KCNC2: variants seen among roughly 807,000 people sequenced by gnomAD.
The protein encoded by KCNC2 is voltage-gated potassium channel KCNC2.
In KCNC2, 21 loss-of-function variants were observed where a neutral mutation model predicts 44.5. The ratio of observed to expected loss-of-function variants is 0.47; its 90% CI spans 0.33 to 0.68. The LOEUF is 0.68. Ranked by LOEUF, KCNC2 falls within the 30% of genes least tolerant of loss-of-function variation. The probability of loss-of-function intolerance (pLI) is 0.01; values close to 1 mark genes in which losing one functional copy is unlikely to be tolerated. For missense variants in KCNC2, 589 were observed against 826.2 expected (o/e 0.71, Z 3.52); for synonymous variants, 391 against 339.1 (o/e 1.15, Z -1.68).
At position 75,050,878 on chromosome 12, in the gene KCNC2, C is replaced by T; in HGVS notation, c.1127G>A (p.Arg376Gln). Residue 376 changes from arginine to glutamine, a missense_variant, in exon 3 of 5, where the codon CGA becomes CAA. By Grantham distance (43) the Arg-to-Gln change is conservative. Around this residue, in one of 7 missense-constraint regions of KCNC2, gnomAD observed 67 missense variants for 237.4 expected, o/e 0.28. Transcript: ENST00000549446. The part of the protein sequence containing the change: ...VGLRVLGHTL[R>Q]ASTNEFLLLI... ...CAGCAAAAATTCATTAGTACTAGCTCGAAGAGTATGTCCAAGCACCCTCAG... is the reference window on the plus strand; with the variant it reads ...CAGCAAAAATTCATTAGTACTAGCTTGAAGAGTATGTCCAAGCACCCTCAG... 1 of 1,613,466 alleles carries T rather than the reference C, an allele frequency of 6.2e-7. No homozygotes were observed. The highest frequency in any genetic ancestry group is 8.5e-7 in the Non-Finnish European group (1 of 1,179,810).
At chr12:75,185,588 G>C (rs1892884675) in intron 2 of KCNC2, among the ~76,000 whole-genome samples, 1 of 151,392 alleles carries the variant, frequency 6.6e-6, no homozygotes, top group Non-Finnish European at 1.5e-5. Context: ...CATGATCTTG[G>C]ACTTCTCAGC....
chr12:75,045,086 G>A (rs1880331334), intron 4 of KCNC2, among the ~76,000 whole-genome samples: 1 of 151,976 alleles, frequency 6.6e-6, no homozygotes, highest in Non-Finnish European at 1.5e-5. Flanking sequence ...CATCGAAGTT[G>A]ACTGTATAAC....
At position 75,183,657 on chromosome 12, in the gene KCNC2, A is replaced by T. The variant is rs369709031; in HGVS notation, c.687+23640T>A. 7.9e-5 allele frequency among the ~76,000 whole-genome samples: 12 copies of T among 152,334 alleles called. 1 individual carries two copies. Among genetic ancestry groups the T allele is most frequent in the African/African-American group, 2.9e-4 (12 of 41,584 alleles). On this transcript the variant is annotated intron_variant, in intron 2 of 4. Transcript: ENST00000549446. ...ATCATTATGACTCGTTTCAAGTCCA[A>T]CTGAATGATACCTCTGTCTTCTTGC...
At chr12:75,043,848 A>T (rs562232662) in intron 4 of KCNC2, 10 of 1,156,450 alleles carry the variant, frequency 8.6e-6, no homozygotes, top group Admixed American at 2.6e-5. Context: ...AAAAAAGAAA[A>T]TGAATGAAAT....
intron 2 of KCNC2, among the ~76,000 whole-genome samples, chr12:75,185,656 T>C (rs1280052533): frequency 6.6e-6 from 1 of 152,076 alleles, no homozygotes; most frequent in African/African-American, 2.4e-5. Context: ...GTCTGTGATA[T>C]TCTGCTATAG....
Position 75,157,671 on chromosome 12 carries a change from T to G in KCNC2, c.687+49626A>C, listed in dbSNP as rs542169740. Among the ~76,000 whole-genome samples, 5 of 151,942 alleles carry G rather than the reference T, an allele frequency of 3.3e-5. No homozygotes were observed. The East Asian group carries it at 9.7e-4, about 30-fold the overall frequency. On this transcript the variant is annotated intron_variant, in intron 2 of 4. Transcript: ENST00000549446. ...AGCAAGGCCATCAAAAGTCCCCATG[T>G]GATGGAAAAAGCTTTAAAAATAAGA...
intron 2 of KCNC2, among the ~76,000 whole-genome samples, chr12:75,205,083 A>G (rs2031580452): frequency 6.6e-6 from 1 of 152,174 alleles, no homozygotes; most frequent in Non-Finnish European, 1.5e-5. Context: ...TGAATGTCTT[A>G]TGCCGCATTA....
At chr12:75,175,484 G>T (rs554685100) in intron 2 of KCNC2, among the ~76,000 whole-genome samples, 58 of 151,964 alleles carry the variant, frequency 3.8e-4, no homozygotes, top group Non-Finnish European at 5.4e-4. Context: ...CCCAGGACAT[G>T]ACAGAATTGT....
rs186668823 is a variant in KCNC2, at chr12:75,090,351, T to C, written c.688-39034A>G. 4.0e-3 allele frequency among the ~76,000 whole-genome samples: 613 copies of C among 151,756 alleles called. 4 individuals are homozygous for C. Among genetic ancestry groups the C allele is most frequent in the African/African-American group, 0.013 (557 of 41,504 alleles). ...TTCTCTTCATGCTTTTAATAGGCCA[T>C]TATGCCCTTTTTTACACCAGATATT... On this transcript the variant is annotated intron_variant, in intron 2 of 4. Coordinates refer to ENST00000549446, the MANE Select transcript of KCNC2 (RefSeq NM_139137.4).
chr12:75,200,656 C>G (rs2031168919), intron 2 of KCNC2, among the ~76,000 whole-genome samples: 1 of 151,372 alleles, frequency 6.6e-6, no homozygotes. Flanking sequence ...TTTCTAAAAA[C>G]AGAAATATGG....
At chr12:75,139,025 A>T (rs574593180) in intron 2 of KCNC2, among the ~76,000 whole-genome samples, 1 of 150,864 alleles carries the variant, frequency 6.6e-6, no homozygotes, top group Admixed American at 6.6e-5. Context: ...GAAAAAAAGG[A>T]AAAAGAAAAT....
intron 2 of KCNC2, among the ~76,000 whole-genome samples, chr12:75,160,290 A>C (rs1276302624): frequency 6.6e-6 from 1 of 151,794 alleles, no homozygotes; most frequent in Non-Finnish European, 1.5e-5. Context: ...AAGAAACCAG[A>C]CCTGTCAACA....
At chr12:75,082,272 T>G (rs965603608) in intron 2 of KCNC2, among the ~76,000 whole-genome samples, 3 of 151,832 alleles carry the variant, frequency 2.0e-5, no homozygotes, top group Admixed American at 6.6e-5. Flanking sequence ...TCTATAAAAT[T>G]CATGAAGTAA....
At chr12:75,133,084 T>C (rs1011487529) in intron 2 of KCNC2, among the ~76,000 whole-genome samples, 5 of 152,008 alleles carry the variant, frequency 3.3e-5, no homozygotes, top group African/African-American at 1.2e-4. Flanking sequence ...AACTCTATTA[T>C]ACCCTAGTTT....
In KCNC2 at chr12:75,040,942, AT is replaced by A. The variant is rs1879826397; in HGVS notation, c.*2162del. 2.0e-5 allele frequency: 12 copies of A among 612,198 alleles called. No individual in the cohort carries two copies. Among genetic ancestry groups the A allele is most frequent in the Middle Eastern group, 3.2e-4 (1 of 3,090 alleles). 37.9% of individuals were successfully genotyped at this position (612,198 alleles called of 1,614,324 possible). On this transcript the variant is annotated 3_prime_UTR_variant, in exon 5 of 5. Transcript: ENST00000549446. Reference sequence around the variant, plus strand: ...GCCAAGACTGTTGACCCATGCACACATGTTGGTATTTACAGTTGTTTCATGG... The same window carrying A: ...GCCAAGACTGTTGACCCATGCACACAGTTGGTATTTACAGTTGTTTCATGG...
intron 2 of KCNC2, among the ~76,000 whole-genome samples, chr12:75,167,884 T>A (rs1891562478): frequency 6.6e-6 from 1 of 151,420 alleles, no homozygotes; most frequent in African/African-American, 2.4e-5. Flanking sequence ...TAGCCTTTGA[T>A]CTATAATGCA....
chr12:75,044,098 G>A (rs1016885569), intron 4 of KCNC2, among the ~76,000 whole-genome samples: 8 of 151,780 alleles, frequency 5.3e-5, no homozygotes, highest in Admixed American at 5.3e-4. Flanking sequence ...CCCTATCAAG[G>A]TCACCTTTGG....
rs1565707337 is a variant in KCNC2, at chr12:75,209,293, AG to A, written c.-107del. 6.6e-6 allele frequency: 1 copy of A among 152,202 alleles called. No individual in the cohort carries two copies. The highest frequency in any genetic ancestry group is 1.5e-5 in the Non-Finnish European group (1 of 68,088). The allele number at this position is 152,202 out of a possible 1,614,324, so 9.4% of individuals were successfully genotyped here. On this transcript the variant is annotated 5_prime_UTR_variant, in exon 1 of 5. The change abolishes the stop of an existing upstream ORF in the 5' untranslated region. Transcript: ENST00000549446. ...GCAGCGGGACTGAGTCTTGGCGCCC[AG>A]GTGAGCCGCCCTTCTCCGACGAGAA...
At chr12:75,197,046 T>A (rs1470606896) in intron 2 of KCNC2, among the ~76,000 whole-genome samples, 1 of 152,030 alleles carries the variant, frequency 6.6e-6, no homozygotes, top group Non-Finnish European at 1.5e-5. Flanking sequence ...CTGATATGAA[T>A]CATACCCAAA....
Sources: allele counts gnomAD v4.1 joint callset (sites outside exome capture counted in the v4.1 genomes callset), GRCh38; gene constraint gnomAD v4.1.1; regional missense constraint gnomAD v4.1.1; transcripts MANE v1.5; gene names NCBI Gene and HGNC (gene_info 2026-07-23, HGNC 2026-07-21).